CDYL2: variants seen among roughly 807,000 people sequenced by gnomAD.
CDYL2 encodes chromodomain Y-like protein 2.
Under a neutral mutation model 49.4 loss-of-function variants are expected in CDYL2, and 23 were observed. The ratio of observed to expected loss-of-function variants is 0.47; its 90% CI spans 0.34 to 0.66. The LOEUF is 0.66. CDYL2 is among the 30% of genes least tolerant of loss of function. The probability of loss-of-function intolerance (pLI) is 0.01; values close to 1 mark genes in which losing one functional copy is unlikely to be tolerated. For missense variants in CDYL2, 678 were observed against 656.4 expected (o/e 1.03, Z -0.36); for synonymous variants, 360 against 268.8 (o/e 1.34, Z -3.32).
chr16:80,742,019 T>A (rs1230190430), intron 1 of CDYL2: 2 of 152,248 alleles, frequency 1.3e-5, no homozygotes, highest in African/African-American at 4.8e-5. Context: ...TAGGCACAGT[T>A]CTATGCTTCA....
At chr16:80,796,508 A>G (rs1464107676) in intron 1 of CDYL2, among the ~76,000 whole-genome samples, 1 of 152,224 alleles carries the variant, frequency 6.6e-6, no homozygotes, top group Non-Finnish European at 1.5e-5. Flanking sequence ...AAATTTTTGT[A>G]TGACTCCATT....
intron 1 of CDYL2, among the ~76,000 whole-genome samples, chr16:80,689,773 T>C (rs534233522): frequency 1.3e-5 from 2 of 152,252 alleles, no homozygotes; most frequent in Admixed American, 6.5e-5. Flanking sequence ...CACAGGCTAG[T>C]GAGAAACACA....
chr16:80,755,037 A>T (rs2142568135), intron 1 of CDYL2, among the ~76,000 whole-genome samples: 1 of 152,290 alleles, frequency 6.6e-6, no homozygotes. Flanking sequence ...TTGGGAGCCA[A>T]ATAGACTTGT....
intron 2 of CDYL2, among the ~76,000 whole-genome samples, chr16:80,653,313 A>C (rs953649918): frequency 6.6e-6 from 1 of 152,134 alleles, no homozygotes; most frequent in Admixed American, 6.5e-5. Context: ...TAAAAACACA[A>C]AATTAGCCGG....
At chr16:80,783,413 T>C (rs1907335258) in intron 1 of CDYL2, among the ~76,000 whole-genome samples, 1 of 152,144 alleles carries the variant, frequency 6.6e-6, no homozygotes, top group Non-Finnish European at 1.5e-5. Flanking sequence ...ATTGCTGCTA[T>C]GGGTGTAAAA....
intron 1 of CDYL2, among the ~76,000 whole-genome samples, chr16:80,751,770 C>G (rs2142564103): frequency 6.6e-6 from 1 of 152,300 alleles, no homozygotes. Flanking sequence ...AGTAAATACT[C>G]AAGTCTTTCA....
intron 1 of CDYL2, among the ~76,000 whole-genome samples, chr16:80,708,907 G>C (rs1904495629): frequency 1.3e-5 from 2 of 152,016 alleles, no homozygotes; most frequent in African/African-American, 4.8e-5. Context: ...AATATTTAAA[G>C]ATATAAAAAA....
chr16:80,751,629 T>A (rs911790929), intron 1 of CDYL2, among the ~76,000 whole-genome samples: 9 of 152,206 alleles, frequency 5.9e-5, no homozygotes, highest in African/African-American at 1.9e-4. Flanking sequence ...AAGTGCTCAA[T>A]GATTCTTAGT....
chr16:80,614,871 A>G (rs80195479), intron 4 of CDYL2, among the ~76,000 whole-genome samples: 3 of 102,388 alleles, frequency 2.9e-5, no homozygotes, highest in African/African-American at 1.6e-4. Context: ...CTCAGGGAGA[A>G]AAAAAAAAAA....
intron 2 of CDYL2, among the ~76,000 whole-genome samples, chr16:80,637,397 C>A (rs985889938): frequency 1.3e-5 from 2 of 151,802 alleles, no homozygotes; most frequent in African/African-American, 2.4e-5. Context: ...AGAGTCCTAG[C>A]GATTGCAAAA....
At chr16:80,695,549 G>T (rs1428800532) in intron 1 of CDYL2, among the ~76,000 whole-genome samples, 1 of 152,174 alleles carries the variant, frequency 6.6e-6, no homozygotes. Context: ...AAAGTGAAGG[G>T]ATGGAAAAAG....
chr16:80,722,633 T>C (rs978919515), intron 1 of CDYL2, among the ~76,000 whole-genome samples: 12 of 152,190 alleles, frequency 7.9e-5, no homozygotes, highest in African/African-American at 2.7e-4. Flanking sequence ...AAGTCAAAGT[T>C]GCCCAAGGTT....
rs1430185027 is a variant in CDYL2 at position 80,633,215 on chromosome 16, C to A, written c.638G>T (p.Gly213Val). Residue 213 changes from glycine (G) to valine (V), a missense_variant, in exon 3 of 7, where the codon GGA (glycine) becomes GTA (valine). Gly to Val is a moderately radical substitution (Grantham distance 109). Coordinates refer to ENST00000570137, the MANE Select transcript of CDYL2 (RefSeq NM_152342.4). ...CTTCACTGGACTGTGCAGGTTCAAT[C>A]CCCCGTTGGTCAGAGCAGAGCCTTC... Reference protein sequence around the residue: ...NGLGSALTNGGLNLHSPVKRK... With the variant: ...NGLGSALTNGVLNLHSPVKRK... The A allele has an allele frequency of 6.2e-7, 1 of 1,613,990 alleles. No homozygotes were observed. The highest frequency in any genetic ancestry group is 8.5e-7 in the Non-Finnish European group (1 of 1,179,992).
chr16:80,680,800 C>A (rs140351990), intron 2 of CDYL2, among the ~76,000 whole-genome samples: 195 of 152,298 alleles, frequency 1.3e-3, no homozygotes, highest in Non-Finnish European at 2.3e-3. Flanking sequence ...CTCCTGTACA[C>A]ACCTGTGGCT....
intron 1 of CDYL2, among the ~76,000 whole-genome samples, chr16:80,776,982 T>A (rs903937048): frequency 1.3e-5 from 2 of 151,922 alleles, no homozygotes; most frequent in Admixed American, 1.3e-4. Context: ...CACGCCCGGC[T>A]AATTTTTTGT....
intron 1 of CDYL2, among the ~76,000 whole-genome samples, chr16:80,785,539 G>C (rs146095964): frequency 6.6e-6 from 1 of 152,078 alleles, no homozygotes; most frequent in Non-Finnish European, 1.5e-5. Context: ...CTTACTGCCC[G>C]AAGTAATTTA....
At chr16:80,604,656 A>G in intron 6 of CDYL2, 110 bp from the exon 7 acceptor site, 5 of 1,157,132 alleles carry the variant, frequency 4.3e-6, no homozygotes, top group Non-Finnish European at 6.4e-6. Context: ...CAGCCAGAGA[A>G]GGCTGCCTCC....
intron 1 of CDYL2, among the ~76,000 whole-genome samples, chr16:80,752,940 G>C (rs188800898): frequency 6.6e-6 from 1 of 152,316 alleles, no homozygotes; most frequent in East Asian, 1.9e-4. Context: ...TGAAATGCAA[G>C]AAAGGATGAG....
At chr16:80,800,005 C>T (rs1380448266) in intron 1 of CDYL2, among the ~76,000 whole-genome samples, 1 of 152,198 alleles carries the variant, frequency 6.6e-6, no homozygotes, top group Admixed American at 6.5e-5. Context: ...AGAGGAATGA[C>T]GTCTGTGTGG....
Sources: allele counts gnomAD v4.1 joint callset (sites outside exome capture counted in the v4.1 genomes callset), GRCh38; gene constraint gnomAD v4.1.1; transcripts MANE v1.5; gene names NCBI Gene and HGNC (gene_info 2026-07-23, HGNC 2026-07-21).